The following ABLIM1 variants were observed in gnomAD, a reference collection of about 807,000 sequenced individuals.
The protein encoded by ABLIM1 is actin binding LIM protein 1, also known as actin-binding LIM protein 1.
In ABLIM1, 40 loss-of-function variants were observed where a neutral mutation model predicts 107.0. That is an observed-to-expected ratio of 0.37 (90% confidence interval 0.29 to 0.49). The LOEUF (loss-of-function observed/expected upper bound fraction) is 0.49. Ranked by LOEUF, ABLIM1 falls within the 20% of genes least tolerant of loss-of-function variation. The pLI is 0.97. For synonymous variants in ABLIM1, 357 were observed against 357.3 expected, an observed-to-expected ratio of 1.00 and a Z score of 0.01; for missense variants, 857 against 1,008.5, an observed-to-expected ratio of 0.85 and a Z score of 2.04.
At chr10:114,769,443 GAA>G (rs1377451747), upstream of ABLIM1, among the ~76,000 whole-genome samples, 4 of 37,308 alleles carry the variant, frequency 1.1e-4, no homozygotes, top group Non-Finnish European at 3.1e-4. Context: ...AAGAAAGAAA[GAA>G]AGAAAGAAAG....
At chr10:114,785,661 ATAT>A in the ABLIM1 span, among the ~76,000 whole-genome samples, 1 of 152,136 alleles carries the variant, frequency 6.6e-6, no homozygotes, top group Non-Finnish European at 1.5e-5. Flanking sequence ...TTATAATTTT[ATAT>A]TATTATAATA....
At chr10:114,655,080 G>C (rs974499255) in intron 1 of ABLIM1, among the ~76,000 whole-genome samples, 2 of 152,178 alleles carry the variant, frequency 1.3e-5, no homozygotes, top group Non-Finnish European at 2.9e-5. Context: ...CCTGCTCAAA[G>C]CAATCCTATA....
At chr10:114,493,468 TAA>T (rs946249500) in intron 6 of ABLIM1, among the ~76,000 whole-genome samples, 3 of 152,180 alleles carry the variant, frequency 2.0e-5, no homozygotes, top group Non-Finnish European at 4.4e-5. Flanking sequence ...GCATTCTCAT[TAA>T]AGACAGGAAC....
chr10:114,500,454 C>T (rs2060237929), intron 6 of ABLIM1, among the ~76,000 whole-genome samples: 1 of 151,948 alleles, frequency 6.6e-6, no homozygotes, highest in African/African-American at 2.4e-5. Flanking sequence ...GTAACCCCAG[C>T]AGATCACTTG....
At position 114,754,143 on chromosome 10, in the gene ABLIM1, C is replaced by T. The variant is rs528712590; in HGVS notation, c.-213+13918G>A. On this transcript the variant is annotated intron_variant, in intron 1 of 15. Coordinates refer to the ABLIM1 transcript ENST00000651092. ...CTGGGATTACAGGTGTGAGCCACTG[C>T]GCCCAGCCCTCTGGTCAGGTTTAAG... Among the ~76,000 whole-genome samples, 103 of 152,244 alleles carry T rather than the reference C, an allele frequency of 6.8e-4. 3 individuals carry two copies. The South Asian group carries it at 0.019, about 29-fold the overall frequency.
intron 1 of ABLIM1, chr10:114,632,791 T>A: frequency 3.0e-6 from 3 of 985,346 alleles, no homozygotes; most frequent in Non-Finnish European, 3.6e-6. Flanking sequence ...GATGTGCATA[T>A]ACCAGGGAGG....
At chr10:114,773,325 A>G in the ABLIM1 span, among the ~76,000 whole-genome samples, 2 of 152,254 alleles carry the variant, frequency 1.3e-5, no homozygotes, top group Non-Finnish European at 2.9e-5. Context: ...TCAAAGAGAA[A>G]GGACATAGCC....
chr10:114,515,695 G>A (rs913553217), intron 6 of ABLIM1, among the ~76,000 whole-genome samples: 3 of 152,184 alleles, frequency 2.0e-5, no homozygotes, highest in African/African-American at 7.2e-5. Flanking sequence ...ATGTTAATTA[G>A]TTGGAATGAG....
intron 1 of ABLIM1, among the ~76,000 whole-genome samples, chr10:114,628,817 A>G (rs991355831): frequency 1.3e-5 from 2 of 152,230 alleles, no homozygotes; most frequent in African/African-American, 2.4e-5. Context: ...AATAAATAAT[A>G]AATCCCTTTT....
chr10:114,515,457 T>A (rs2062663832), intron 6 of ABLIM1, among the ~76,000 whole-genome samples: 1 of 152,160 alleles, frequency 6.6e-6, no homozygotes, highest in African/African-American at 2.4e-5. Flanking sequence ...ATGCTTTTCA[T>A]GCAGAGTGAG....
intron 1 of ABLIM1, among the ~76,000 whole-genome samples, chr10:114,732,180 C>CTTTTTTT (rs113276247): frequency 2.4e-4 from 26 of 109,866 alleles, no homozygotes; most frequent in Non-Finnish European, 3.8e-4. Context: ...CTTTTCTTTT[C>CTTTTTTT]TTTTTTTTTT....
chr10:114,464,040 G>C lies in ABLIM1; in HGVS notation c.1441+1658C>G, dbSNP rs149330708. 1.9e-4 allele frequency among the ~76,000 whole-genome samples: 29 copies of C among 152,246 alleles called. No individual in the cohort carries two copies. The East Asian group carries it at 5.4e-3, about 28-fold the overall frequency. On this transcript the variant is annotated intron_variant, in intron 12 of 22. Coordinates refer to ENST00000533213, the MANE Select transcript of ABLIM1 (RefSeq NM_002313.7). Reference sequence around the variant, plus strand: ...GTAAGGACATGAGCTTTTGGGGGAAGGAGTGTTGACTGACCACTCCCCTCA... The same window carrying C: ...GTAAGGACATGAGCTTTTGGGGGAACGAGTGTTGACTGACCACTCCCCTCA...
chr10:114,641,247 TAAAAAAAAAAAA>T (rs35168530), intron 1 of ABLIM1, among the ~76,000 whole-genome samples: 1,346 of 37,110 alleles, frequency 0.036, 38 homozygotes, highest in African/African-American at 0.11. Flanking sequence ...AAGCCAATCA[TAAAAAAAAAAAA>T]AAAAAAAAAA....
intron 1 of ABLIM1, among the ~76,000 whole-genome samples, chr10:114,702,020 G>A (rs1307177543): frequency 2.0e-5 from 3 of 152,240 alleles, no homozygotes; most frequent in African/African-American, 7.2e-5. Context: ...GTTTATCATA[G>A]AAATATTCAA....
chr10:114,661,808 G>A (rs1486309578), upstream of ABLIM1, among the ~76,000 whole-genome samples: 1 of 152,146 alleles, frequency 6.6e-6, no homozygotes, highest in Non-Finnish European at 1.5e-5. Flanking sequence ...GATAGACTAT[G>A]AAAATGAACC....
At position 114,639,769 on chromosome 10, in the gene ABLIM1, G is replaced by A. The variant is rs567545044; in HGVS notation, c.244+18188C>T. Among the ~76,000 whole-genome samples the A allele has an allele frequency of 3.3e-5, 5 of 152,358 alleles. No homozygotes were observed. The East Asian group carries it at 9.6e-4, about 29-fold the overall frequency. On this transcript the variant is annotated intron_variant, in intron 1 of 22. Coordinates refer to ENST00000533213, the MANE Select transcript of ABLIM1 (RefSeq NM_002313.7). ...TTTGAACTTGTGTTTTGTAAGTGAA[G>A]TCTGATGGGAGAGCGGAGCACACAT...
intron 1 of ABLIM1, among the ~76,000 whole-genome samples, chr10:114,680,049 C>T (rs940891990): frequency 2.6e-5 from 4 of 152,142 alleles, no homozygotes; most frequent in African/African-American, 9.7e-5. Flanking sequence ...AACACACAGA[C>T]ATAAAACTAA....
intron 1 of ABLIM1, among the ~76,000 whole-genome samples, chr10:114,762,423 G>A (rs908420698): frequency 6.6e-6 from 1 of 152,152 alleles, no homozygotes; most frequent in Non-Finnish European, 1.5e-5. Flanking sequence ...TTAACTAATT[G>A]CTGGCATGTA....
chr10:114,700,594 T>G (rs1435264030), intron 1 of ABLIM1, among the ~76,000 whole-genome samples: 8 of 151,780 alleles, frequency 5.3e-5, no homozygotes, highest in African/African-American at 1.9e-4. Context: ...AAAGACAAAT[T>G]AATCATTGAA....
Sources: allele counts gnomAD v4.1 joint callset (sites outside exome capture counted in the v4.1 genomes callset), GRCh38; gene constraint gnomAD v4.1.1; transcripts MANE v1.5; gene names NCBI Gene and HGNC (gene_info 2026-07-23, HGNC 2026-07-21).